Variants in PPM1E observed in about 807,000 individuals in gnomAD.
PPM1E encodes the protein protein phosphatase 1E.
A neutral mutation model predicts 65.9 loss-of-function variants in PPM1E; 20 were observed. The ratio of observed to expected loss-of-function variants is 0.30; its 90% CI spans 0.21 to 0.44. The LOEUF (loss-of-function observed/expected upper bound fraction) is 0.44. PPM1E is among the 20% of genes least tolerant of loss of function. The pLI is 1.00. For missense variants in PPM1E, 713 were observed against 953.1 expected (o/e 0.75, Z 3.32); for synonymous variants, 352 against 374.9 (o/e 0.94, Z 0.70).
intron 1 of PPM1E, among the ~76,000 whole-genome samples, chr17:58,945,952 G>T (rs571698936): frequency 6.6e-6 from 1 of 152,050 alleles, no homozygotes; most frequent in Admixed American, 6.6e-5. Flanking sequence ...TTGCATGGAG[G>T]CTTCATCACG....
chr17:58,823,877 C>A (rs888576463), intron 1 of PPM1E, among the ~76,000 whole-genome samples: 3 of 151,970 alleles, frequency 2.0e-5, no homozygotes, highest in African/African-American at 7.2e-5. Context: ...ACTACAGGTA[C>A]CCGCCACCAC....
At chr17:58,830,198 GAAC>G (rs2050586350) in intron 1 of PPM1E, among the ~76,000 whole-genome samples, 1 of 151,866 alleles carries the variant, frequency 6.6e-6, no homozygotes, top group Non-Finnish European at 1.5e-5. Flanking sequence ...AAAACAAAAC[GAAC>G]AACAAAAAAA....
At chr17:58,805,571 C>A (rs77837750) in intron 1 of PPM1E, among the ~76,000 whole-genome samples, 285 of 152,140 alleles carry the variant, frequency 1.9e-3, no homozygotes, top group African/African-American at 6.6e-3. Flanking sequence ...TCTTTTATCC[C>A]TCACCCCCTA....
intron 1 of PPM1E, among the ~76,000 whole-genome samples, chr17:58,837,504 T>C (rs2050675240): frequency 6.6e-6 from 1 of 151,154 alleles, no homozygotes; most frequent in Non-Finnish European, 1.5e-5. Flanking sequence ...TGAGGCTTTT[T>C]TTTTTTTTTT....
At position 58,980,269 on chromosome 17, in the gene PPM1E, T is replaced by A; in HGVS notation, c.1506T>A (p.Asp502Glu). ...NKAVNVSEES[D>E]WTENSFQGGQ... is the part of the protein sequence containing the mutation. The stretch of plus-strand genomic sequence containing the variant: ...CTGTAAATGTTAGTGAGGAATCAGA[T>A]TGGACAGAGAACTCTTTTCAAGGAG... The change falls in exon 7 of 7, where the codon GAT becomes GAA. Residue 502 changes from aspartate (D) to glutamate (E), a missense_variant. This residue lies in a region of PPM1E where 286 missense variants were observed against 313.8 expected (regional missense o/e 0.91). Transcript: ENST00000308249. This position sits in a 1 kb window ranked among gnomAD's most constrained non-coding sequence, Gnocchi z 4.7. 6.2e-7 allele frequency: 1 copy of A among 1,614,106 alleles called. No individual in the cohort carries two copies. Among genetic ancestry groups the A allele is most frequent in the East Asian group, 2.2e-5 (1 of 44,884 alleles).
chr17:58,761,769 G>A (rs937877435), intron 1 of PPM1E, among the ~76,000 whole-genome samples: 6 of 152,124 alleles, frequency 3.9e-5, no homozygotes, highest in African/African-American at 1.2e-4. Flanking sequence ...AATACCCAAT[G>A]CCATTCCTCT....
intron 1 of PPM1E, among the ~76,000 whole-genome samples, chr17:58,820,209 A>G (rs1417864728): frequency 1.3e-5 from 2 of 152,118 alleles, no homozygotes; most frequent in Admixed American, 1.3e-4. Context: ...ATTGGGGATT[A>G]CAATTGGACA....
At chr17:58,879,625 C>CCG (rs2051169261) in intron 1 of PPM1E, among the ~76,000 whole-genome samples, 1 of 150,854 alleles carries the variant, frequency 6.6e-6, no homozygotes. Context: ...TCTCCTGCCT[C>CCG]CGCCTCCTGA....
intron 1 of PPM1E, among the ~76,000 whole-genome samples, chr17:58,828,619 T>C (rs1320446174): frequency 2.0e-5 from 3 of 151,746 alleles, no homozygotes; most frequent in Non-Finnish European, 4.4e-5. Flanking sequence ...CATGCACCAC[T>C]ACGCCAGGCT....
intron 1 of PPM1E, among the ~76,000 whole-genome samples, chr17:58,783,063 A>C (rs1348815908): frequency 6.6e-6 from 1 of 152,220 alleles, no homozygotes; most frequent in African/African-American, 2.4e-5. Context: ...AACTAATTAT[A>C]TCTGAGATTG....
chr17:58,838,649 G>A (rs940270946), intron 1 of PPM1E, among the ~76,000 whole-genome samples: 2 of 152,156 alleles, frequency 1.3e-5, no homozygotes, highest in African/African-American at 4.8e-5. Flanking sequence ...ATATGATCTA[G>A]CAATTAATCG....
intron 1 of PPM1E, among the ~76,000 whole-genome samples, chr17:58,788,238 A>G (rs978591017): frequency 1.3e-5 from 2 of 152,020 alleles, no homozygotes; most frequent in Non-Finnish European, 2.9e-5. Context: ...TTTAGTAGAG[A>G]CGAGGTTTCA....
chr17:58,839,257 G>A (rs1052587397), intron 1 of PPM1E, among the ~76,000 whole-genome samples: 3 of 152,026 alleles, frequency 2.0e-5, no homozygotes, highest in Admixed American at 1.3e-4. Flanking sequence ...ATCACTGGAG[G>A]CCAAGAGTTC....
chr17:58,802,351 G>T (rs545045715), intron 1 of PPM1E, among the ~76,000 whole-genome samples: 1 of 152,150 alleles, frequency 6.6e-6, no homozygotes, highest in African/African-American at 2.4e-5. Flanking sequence ...TATAGGTTTG[G>T]GTTTCTTTCT....
At chr17:58,826,324 A>C (rs936316777) in intron 1 of PPM1E, among the ~76,000 whole-genome samples, 1 of 151,766 alleles carries the variant, frequency 6.6e-6, no homozygotes, top group African/African-American at 2.4e-5. Flanking sequence ...AAAAAAAAGA[A>C]AAGAAAGAAA....
chr17:58,835,850 C>G (rs2050650559), intron 1 of PPM1E: 2 of 152,116 alleles, frequency 1.3e-5, no homozygotes, highest in Non-Finnish European at 2.9e-5. Flanking sequence ...GCCTGGGTGA[C>G]AGAACAAGAC....
chr17:58,756,023 A>C lies in PPM1E; in HGVS notation c.26A>C (p.Lys9Thr). ...ATGGCCGGCTGCATCCCTGAGGAGA[A>C]AACTTACCGGCGCTTCCTGGAGCTA... The part of the protein sequence containing the change: MAGCIPEE[K>T]TYRRFLELFL... The change falls in exon 1 of 7, where the codon AAA (lysine) becomes ACA (threonine). Residue 9 changes from lysine to threonine, a missense_variant. Lys to Thr is a moderately conservative substitution (Grantham distance 78, BLOSUM62 -1). This residue lies in a region of PPM1E where 212 missense variants were observed against 204.0 expected (regional missense o/e 1.04). Coordinates refer to ENST00000308249, the MANE Select transcript of PPM1E (RefSeq NM_014906.5). The C allele has an allele frequency of 6.2e-7, 1 of 1,614,022 alleles. No individual in the cohort carries two copies. The highest frequency in any genetic ancestry group is 8.5e-7 in the Non-Finnish European group (1 of 1,179,924).
At chr17:58,931,589 T>C (rs2051899904) in intron 1 of PPM1E, among the ~76,000 whole-genome samples, 1 of 151,876 alleles carries the variant, frequency 6.6e-6, no homozygotes, top group South Asian at 2.1e-4. Flanking sequence ...AATTAAAGAA[T>C]GATTCCAGAA....
At chr17:58,929,062 C>T (rs1021271233) in intron 1 of PPM1E, among the ~76,000 whole-genome samples, 3 of 151,864 alleles carry the variant, frequency 2.0e-5, no homozygotes, top group African/African-American at 4.8e-5. Flanking sequence ...ATACAGCCCA[C>T]GTATTCATCA....
Sources: allele counts gnomAD v4.1 joint callset (sites outside exome capture counted in the v4.1 genomes callset), GRCh38; gene constraint gnomAD v4.1.1; regional missense constraint gnomAD v4.1.1; non-coding constraint Gnocchi (gnomAD v3.1); transcripts MANE v1.5; gene names NCBI Gene and HGNC (gene_info 2026-07-23, HGNC 2026-07-21).